Variants in MXD3 observed in about 807,000 individuals in gnomAD.
MXD3 encodes Max-associated protein 3.
A neutral mutation model predicts 27.5 loss-of-function variants in MXD3; 20 were observed. The observed-to-expected ratio is 0.73, with a 90% CI of 0.51 to 1.06. MXD3 has a LOEUF of 1.06. MXD3 is among the 50% of genes least tolerant of loss of function. The probability of loss-of-function intolerance (pLI) is 0.00; values close to 1 mark genes in which losing one functional copy is unlikely to be tolerated. For missense variants in MXD3, 298 were observed against 291.3 expected (o/e 1.02, Z -0.17); for synonymous variants, 150 against 130.7 (o/e 1.15, Z -1.01).
intron 4 of MXD3, 112 bp downstream of exon 4, chr5:177,310,314 A>G: frequency 1.3e-6 from 1 of 750,426 alleles, no homozygotes; most frequent in Non-Finnish European, 2.1e-6. Flanking sequence ...CCTAAGTCAC[A>G]CAGTTCTTGA....
Position 177,307,657 on chromosome 5 carries a change from G to A in MXD3, c.552C>T (p.Ala184=), listed in dbSNP as rs371715811. 5.6e-5 allele frequency: 91 copies of A among 1,613,408 alleles called. No individual in the cohort carries two copies. Among genetic ancestry groups the A allele is most frequent in the Middle Eastern group, 1.6e-4 (1 of 6,084 alleles). Residue 184 remains alanine, a synonymous_variant, in exon 6 of 6, where the codon GCC becomes GCT. Transcript: ENST00000439742. ...CGGCGACGAAGCCCCGCAGCAGCTC[G>A]GCCTCACCCCCAAACACCAGGCTCT... ...DVESLVFGGE[A]ELLRGFVAGQ...
rs537386973 is a variant in MXD3, at chr5:177,307,849, C to T, written c.437G>A (p.Arg146Gln). The change falls in exon 5 of 6, where the codon CGG (arginine) becomes CAG (glutamine). Residue 146 changes from arginine (R) to glutamine (Q), a missense_variant. Transcript: ENST00000439742. ...CAGACTGTCCGCCCGCAGCCGCTCC[C>T]GCTCGGCCGCCCCTGCCAGCCCCCG... ...QLRGLAGAAE[R>Q]ERLRADSLDS... 18 of 1,610,560 alleles carry T rather than the reference C, an allele frequency of 1.1e-5. No homozygotes were observed. Among genetic ancestry groups the T allele is most frequent in the East Asian group, 6.7e-5 (3 of 44,820 alleles).
chr5:177,312,558 T>A (rs1405776986), upstream of MXD3: 1 of 985,270 alleles, frequency 1.0e-6, no homozygotes, highest in Non-Finnish European at 1.2e-6. Context: ...GCTCCTGCCC[T>A]CCGGGGTCTG....
chr5:177,310,070 T>A (rs1760996915), intron 4 of MXD3, among the ~76,000 whole-genome samples: 1 of 151,856 alleles, frequency 6.6e-6, no homozygotes, highest in African/African-American at 2.4e-5. Flanking sequence ...CCCACATACA[T>A]CCCATCACAG....
rs1477831497 is a variant in MXD3, at chr5:177,307,398, C to A, written c.*190G>T. On this transcript the variant is annotated 3_prime_UTR_variant, in exon 6 of 6. Coordinates refer to ENST00000439742, the MANE Select transcript of MXD3 (RefSeq NM_031300.4). ...AGGGAGGTCCTGATGAGTCCTGCCC[C>A]TTCCCTTCCAGAGGGCCTGCCTGGC... 2 of 1,491,714 alleles carry A rather than the reference C, an allele frequency of 1.3e-6. No individual in the cohort carries two copies. The highest frequency in any genetic ancestry group is 1.8e-6 in the Non-Finnish European group (2 of 1,100,576). The allele number at this position is 1,491,714 out of a possible 1,614,324, so 92.4% of individuals were successfully genotyped here.
upstream of MXD3, chr5:177,311,946 C>G (rs1034601357): frequency 1.6e-5 from 19 of 1,220,624 alleles, no homozygotes; most frequent in Middle Eastern, 6.1e-4. Flanking sequence ...CGCCCCGCCC[C>G]CGGGACGCCC....
downstream of MXD3, chr5:177,305,521 G>T (rs1760843557): frequency 7.1e-6 from 2 of 282,374 alleles, no homozygotes; most frequent in South Asian, 7.4e-5. Flanking sequence ...TTTTTATTTG[G>T]ACTGTCAGGA....
rs914315533 is a variant in MXD3, at chr5:177,310,766, C to T, written c.177-69G>A. 1.6e-4 allele frequency: 251 copies of T among 1,584,150 alleles called. No individual in the cohort carries two copies. The Admixed American group carries it at 2.0e-3, about 13-fold the overall frequency. On this transcript the variant is annotated intron_variant, in intron 2 of 5. Transcript: ENST00000439742. ...GCCCATGCCCCAATCCCAGGGCCCCCAGTGGCTCAAGAGCCACTACAGATG... is the reference window on the plus strand; with the variant it reads ...GCCCATGCCCCAATCCCAGGGCCCCTAGTGGCTCAAGAGCCACTACAGATG...
At chr5:177,307,087 A>ATTAAGTGC, downstream of MXD3, 1 of 1,473,144 alleles carries the variant, frequency 6.8e-7, no homozygotes, top group South Asian at 1.4e-5. Context: ...AGTTGTGAGA[A>ATTAAGTGC]TTAAGTGCAC....
In MXD3 at chr5:177,311,364, C is replaced by T. The variant is rs1235443858; in HGVS notation, c.176+15G>A. The T allele has an allele frequency of 7.0e-7, 1 of 1,435,132 alleles. No homozygotes were observed. Among genetic ancestry groups the T allele is most frequent in the Non-Finnish European group, 9.1e-7 (1 of 1,101,110 alleles). The allele number at this position is 1,435,132 out of a possible 1,614,324, so 88.9% of individuals were successfully genotyped here. ...CCACCCCCACCCCCACTCCCGCCGCCCCCGGCCTCCTCACCGCCCGCTGTC... is the reference window on the plus strand; with the variant it reads ...CCACCCCCACCCCCACTCCCGCCGCTCCCGGCCTCCTCACCGCCCGCTGTC... On this transcript the variant is annotated intron_variant, in intron 2 of 5. Transcript: ENST00000439742.
chr5:177,306,956 C>T, downstream of MXD3: 1 of 1,077,360 alleles, frequency 9.3e-7, no homozygotes, highest in East Asian at 2.6e-5. Context: ...TTCAGTTGGC[C>T]CCAGCTCTGG....
At chr5:177,308,630 C>T (rs1470154883) in intron 4 of MXD3, among the ~76,000 whole-genome samples, 1 of 152,176 alleles carries the variant, frequency 6.6e-6, no homozygotes, top group Non-Finnish European at 1.5e-5. Flanking sequence ...GCCTCAGCCT[C>T]CTAAAGTGCT....
downstream of MXD3, chr5:177,305,782 C>A: frequency 2.9e-6 from 3 of 1,051,508 alleles, no homozygotes; most frequent in Non-Finnish European, 4.3e-6. Context: ...TGTATTGCTT[C>A]GCCTCATGAA....
In MXD3 at chr5:177,307,523, G is replaced by A; in HGVS notation, c.*65C>T. 2 of 1,580,104 alleles carry A rather than the reference G, an allele frequency of 1.3e-6. No homozygotes were observed. The highest frequency in any genetic ancestry group is 1.7e-6 in the Non-Finnish European group (2 of 1,165,406). The stretch of plus-strand genomic sequence containing the variant: ...CGAGCAGCCCTGAAGGCTTGGGGAG[G>A]GCTCCTGCCTGGCAAGTGGGCCTGG... On this transcript the variant is annotated 3_prime_UTR_variant, in exon 6 of 6. Transcript: ENST00000439742.
rs746151984 is a variant in MXD3, at chr5:177,307,385, A to AT, written c.*202dup. 109 of 1,495,800 alleles carry AT rather than the reference A, an allele frequency of 7.3e-5. 2 individuals are homozygous for AT. Among genetic ancestry groups the AT allele is most frequent in the Non-Finnish European group, 9.5e-5 (105 of 1,102,798 alleles). The allele number at this position is 1,495,800 out of a possible 1,614,324, so 92.7% of individuals were successfully genotyped here. ...CCTGCAGGGGTCCAGGGAGGTCCTG[A>AT]TGAGTCCTGCCCCTTCCCTTCCAGA... On this transcript the variant is annotated 3_prime_UTR_variant, in exon 6 of 6. Coordinates refer to ENST00000439742, the MANE Select transcript of MXD3 (RefSeq NM_031300.4).
chr5:177,305,680 G>C (rs1161328785), downstream of MXD3: 1 of 598,040 alleles, frequency 1.7e-6, no homozygotes, highest in Non-Finnish European at 3.0e-6. Flanking sequence ...AGTCAGAAGA[G>C]AGGTTTTCGA....
chr5:177,308,030 C>T (rs906395043), intron 4 of MXD3, 66 bp from the exon 5 acceptor site: 6 of 1,396,064 alleles, frequency 4.3e-6, no homozygotes, highest in Non-Finnish European at 5.7e-6. Context: ...CACCCCAGCA[C>T]CACTCAGTAC....
chr5:177,312,295 C>A, upstream of MXD3: 2 of 986,548 alleles, frequency 2.0e-6, no homozygotes, highest in Non-Finnish European at 2.4e-6. Context: ...GCCGCGGGGG[C>A]GGGGCCTCCG....
chr5:177,310,185 G>GT (rs1313129915), intron 4 of MXD3, among the ~76,000 whole-genome samples: 1 of 152,262 alleles, frequency 6.6e-6, no homozygotes, highest in Non-Finnish European at 1.5e-5. Context: ...GATAACAGCT[G>GT]TAACAGCAAC....
Sources: allele counts gnomAD v4.1 joint callset (sites outside exome capture counted in the v4.1 genomes callset), GRCh38; gene constraint gnomAD v4.1.1; transcripts MANE v1.5; gene names NCBI Gene and HGNC (gene_info 2026-07-23, HGNC 2026-07-21).